Variants in NCAM1 observed in about 807,000 individuals in gnomAD.
NCAM1 encodes neural cell adhesion molecule 1, also known as antigen recognized by monoclonal antibody 5.1H11.
A neutral mutation model predicts 109.8 loss-of-function variants in NCAM1; 14 were observed. That is an observed-to-expected ratio of 0.13 (90% confidence interval 0.08 to 0.20). The LOEUF (loss-of-function observed/expected upper bound fraction) is 0.20. Ranked by LOEUF, NCAM1 falls within the 10% of genes least tolerant of loss-of-function variation. The pLI, the probability that NCAM1 is intolerant of heterozygous loss-of-function variation, is 1.00. For missense variants in NCAM1, 774 were observed against 1,109.9 expected, an observed-to-expected ratio of 0.70 and a Z score of 4.30; for synonymous variants, 418 against 442.9, an observed-to-expected ratio of 0.94 and a Z score of 0.70.
chr11:113,091,511 A>G (rs761677972), intron 1 of NCAM1, among the ~76,000 whole-genome samples: 1 of 152,250 alleles, frequency 6.6e-6, no homozygotes, highest in Non-Finnish European at 1.5e-5. Context: ...TAAGAAGGCT[A>G]GGATCGAAAT....
chr11:113,220,600 C>CCCTTTTTTT (rs1944659944), intron 8 of NCAM1, among the ~76,000 whole-genome samples: 6 of 102,376 alleles, frequency 5.9e-5, no homozygotes, highest in African/African-American at 3.5e-4. Context: ...CTCTCTCTCT[C>CCCTTTTTTT]TCTTTTTTTT....
intron 14 of NCAM1, among the ~76,000 whole-genome samples, chr11:113,236,579 T>C (rs1209585774): frequency 6.6e-6 from 1 of 152,140 alleles, no homozygotes; most frequent in Admixed American, 6.5e-5. Flanking sequence ...TTTTTGTGTG[T>C]GATGATTACC....
intron 14 of NCAM1, chr11:113,246,092 A>C: frequency 1.9e-6 from 1 of 515,372 alleles, no homozygotes; most frequent in Non-Finnish European, 3.4e-6. Context: ...AATGCTCTTT[A>C]TGATTTATTA....
chr11:113,064,039 A>G (rs1937813329), intron 1 of NCAM1, among the ~76,000 whole-genome samples: 2 of 152,190 alleles, frequency 1.3e-5, no homozygotes, highest in Admixed American at 1.3e-4. Context: ...TTCCATATCT[A>G]TATGGACAGG....
At chr11:113,250,001 A>G (rs782708499) in intron 15 of NCAM1, among the ~76,000 whole-genome samples, 3 of 152,114 alleles carry the variant, frequency 2.0e-5, no homozygotes, top group African/African-American at 7.2e-5. Flanking sequence ...CCGTGCCCAC[A>G]CTCACTCATT....
intron 1 of NCAM1, among the ~76,000 whole-genome samples, chr11:113,104,724 G>A (rs782488764): frequency 9.9e-5 from 15 of 152,044 alleles, no homozygotes; most frequent in Non-Finnish European, 1.5e-4. Flanking sequence ...TGAACCTGTC[G>A]CTTTGGAATA....
chr11:113,037,478 G>C (rs1380415292), intron 1 of NCAM1, among the ~76,000 whole-genome samples: 38 of 152,124 alleles, frequency 2.5e-4, no homozygotes. Context: ...AGCAGCCTCA[G>C]ACTGGTGCTG....
chr11:113,124,052 G>C (rs782579722), intron 1 of NCAM1, among the ~76,000 whole-genome samples: 1 of 152,148 alleles, frequency 6.6e-6, no homozygotes, highest in African/African-American at 2.4e-5. Context: ...CTTCAAGCTG[G>C]CTCCTCCAAA....
chr11:113,262,558 C>A (rs561706009), intron 17 of NCAM1, among the ~76,000 whole-genome samples: 1 of 152,200 alleles, frequency 6.6e-6, no homozygotes, highest in Non-Finnish European at 1.5e-5. Flanking sequence ...TCTGAACTGG[C>A]CTTATGGTAT....
At chr11:113,109,913 T>C (rs1484325732) in intron 1 of NCAM1, among the ~76,000 whole-genome samples, 3 of 152,150 alleles carry the variant, frequency 2.0e-5, no homozygotes, top group East Asian at 1.9e-4. Context: ...TTCTCAGTAA[T>C]GTATGATCCG....
intron 1 of NCAM1, among the ~76,000 whole-genome samples, chr11:113,025,522 T>C (rs1193172241): frequency 1.3e-5 from 2 of 152,100 alleles, no homozygotes; most frequent in Non-Finnish European, 2.9e-5. Flanking sequence ...AATGAATGAA[T>C]GAATAAGATG....
chr11:113,100,601 G>T (rs952996935), intron 1 of NCAM1, among the ~76,000 whole-genome samples: 5 of 152,036 alleles, frequency 3.3e-5, no homozygotes, highest in African/African-American at 1.2e-4. Context: ...CTGGAGTTTG[G>T]GATAGCTGAA....
chr11:112,979,070 A>T (rs1282936958), intron 1 of NCAM1, among the ~76,000 whole-genome samples: 1 of 151,770 alleles, frequency 6.6e-6, no homozygotes, highest in Non-Finnish European at 1.5e-5. Flanking sequence ...GCTTTCTGTA[A>T]TATTCAACTA....
intron 1 of NCAM1, among the ~76,000 whole-genome samples, chr11:113,116,630 A>T (rs1940723480): frequency 6.6e-6 from 1 of 152,216 alleles, no homozygotes; most frequent in Admixed American, 6.5e-5. Flanking sequence ...CCTGTCAAAC[A>T]TTAGTCTGCT....
chr11:113,078,730 A>G (rs895345478), intron 1 of NCAM1, among the ~76,000 whole-genome samples: 8 of 152,136 alleles, frequency 5.3e-5, no homozygotes, highest in African/African-American at 1.9e-4. Flanking sequence ...CCCAAAGGCT[A>G]TGCGGTAGTC....
chr11:113,035,513 A>G (rs1293356659), intron 1 of NCAM1, among the ~76,000 whole-genome samples: 5 of 152,190 alleles, frequency 3.3e-5, no homozygotes, highest in African/African-American at 7.2e-5. Context: ...ATATTAAATT[A>G]TGCTCAGCCT....
At chr11:113,131,575 T>G (rs1941380809) in intron 1 of NCAM1, among the ~76,000 whole-genome samples, 1 of 152,204 alleles carries the variant, frequency 6.6e-6, no homozygotes. Context: ...TCATAACAGA[T>G]GAAGCCTCAG....
intron 14 of NCAM1, among the ~76,000 whole-genome samples, chr11:113,237,907 T>TATATATAG (rs1555118563): frequency 6.6e-4 from 7 of 10,594 alleles, no homozygotes; most frequent in Non-Finnish European, 9.6e-4. Context: ...GATATATAGA[T>TATATATAG]ATATATAGAT....
At chr11:113,130,994 T>C (rs1421828415) in intron 1 of NCAM1, among the ~76,000 whole-genome samples, 1 of 152,166 alleles carries the variant, frequency 6.6e-6, no homozygotes, top group Non-Finnish European at 1.5e-5. Context: ...CCTTTTCTTT[T>C]CTATTCCTCC....
Sources: allele counts gnomAD v4.1 joint callset (sites outside exome capture counted in the v4.1 genomes callset), GRCh38; gene constraint gnomAD v4.1.1; transcripts MANE v1.5; gene names NCBI Gene and HGNC (gene_info 2026-07-23, HGNC 2026-07-21).